Variants in NOX4 observed in about 807,000 individuals in gnomAD.
The protein encoded by NOX4 is NADPH oxidase 4.
In NOX4, 69 loss-of-function variants were observed where a neutral mutation model predicts 87.6. The ratio of observed to expected loss-of-function variants is 0.79; its 90% confidence interval spans 0.65 to 0.96. The LOEUF (loss-of-function observed/expected upper bound fraction) is 0.96, where lower values mean the gene tolerates loss of function less well. Among genes scored for constraint, NOX4 ranks in the 40% least tolerant of loss-of-function variants. The probability of loss-of-function intolerance (pLI) is 0.00; values close to 1 mark genes in which losing one functional copy is unlikely to be tolerated. For synonymous variants in NOX4, 275 were observed against 238.2 expected (o/e 1.15, Z -1.42); for missense variants, 680 against 681.5 (o/e 1.00, Z 0.02).
chr11:89,438,500 C>T lies in NOX4; in HGVS notation c.475+2188G>A, dbSNP rs565687988. On this transcript the variant is annotated intron_variant, in intron 6 of 17. Coordinates refer to ENST00000263317, the MANE Select transcript of NOX4 (RefSeq NM_016931.5). ...ACTATATATACTATATAATATACAGCATATATATTATATACTATATATACT... is the reference window on the plus strand; with the variant it reads ...ACTATATATACTATATAATATACAGTATATATATTATATACTATATATACT... Among the ~76,000 whole-genome samples, 534 of 74,940 alleles carry T rather than the reference C, an allele frequency of 7.1e-3. 29 individuals are homozygous for T. The highest frequency in any genetic ancestry group is 0.039 in the African/African-American group (497 of 12,672). 49.2% of individuals were successfully genotyped at this position (74,940 alleles called of 152,430 possible).
At chr11:89,335,299 G>A (rs1227813971) in intron 17 of NOX4, among the ~76,000 whole-genome samples, 3 of 151,718 alleles carry the variant, frequency 2.0e-5, no homozygotes, top group East Asian at 1.9e-4. Context: ...TCATAGACAC[G>A]TAGTCCATAA....
intron 6 of NOX4, among the ~76,000 whole-genome samples, chr11:89,438,337 TTATATACTA>T (rs573360850): frequency 0.011 from 1,316 of 121,108 alleles, 60 homozygotes; most frequent in Admixed American, 0.079. Context: ...GTATATATCA[TTATATACTA>T]TATATACTAT....
chr11:89,367,436 T>G (rs1383523983), intron 12 of NOX4, among the ~76,000 whole-genome samples: 1 of 152,156 alleles, frequency 6.6e-6, no homozygotes, highest in Non-Finnish European at 1.5e-5. Context: ...ATGCCCTCAG[T>G]AATTCGCAGC....
upstream of NOX4, chr11:89,491,583 G>T: frequency 3.1e-6 from 1 of 319,232 alleles, no homozygotes; most frequent in Non-Finnish European, 5.7e-6. Context: ...CTGTTGTTGT[G>T]GCTGCTGCTG....
chr11:89,493,659 G>C (rs1458433879), upstream of NOX4, among the ~76,000 whole-genome samples: 2 of 151,574 alleles, frequency 1.3e-5, no homozygotes, highest in African/African-American at 4.8e-5. Flanking sequence ...CTAGTGTCCT[G>C]TTACGCAGGA....
intron 13 of NOX4, among the ~76,000 whole-genome samples, chr11:89,345,748 C>T (rs528784586): frequency 6.6e-6 from 1 of 152,084 alleles, no homozygotes; most frequent in East Asian, 1.9e-4. Context: ...ATCCAACATC[C>T]CTTTATGGTA....
At chr11:89,360,744 C>G (rs1938457159) in intron 12 of NOX4, among the ~76,000 whole-genome samples, 1 of 151,800 alleles carries the variant, frequency 6.6e-6, no homozygotes, top group South Asian at 2.1e-4. Flanking sequence ...GGAATTAAAA[C>G]AAATCAACAA....
chr11:89,474,064 G>C (rs10765208), intron 2 of NOX4, among the ~76,000 whole-genome samples: 13 of 152,028 alleles, frequency 8.6e-5, no homozygotes, highest in Admixed American at 7.9e-4. Context: ...CCACACTAGT[G>C]CAGTTGTTGG....
the NOX4 span, among the ~76,000 whole-genome samples, chr11:89,510,112 A>T: frequency 6.6e-6 from 1 of 152,086 alleles, no homozygotes; most frequent in Non-Finnish European, 1.5e-5. Flanking sequence ...CTACTGTGCA[A>T]TGCACCTGTT....
chr11:89,438,318 TTATA>T (rs1432228601), intron 6 of NOX4, among the ~76,000 whole-genome samples: 5 of 126,416 alleles, frequency 4.0e-5, no homozygotes, highest in Non-Finnish European at 6.3e-5. Context: ...TTAAACTTGC[TTATA>T]TATAGTATAT....
chr11:89,342,261 A>G, intron 13 of NOX4, 68 bp from the exon 14 acceptor site: 1 of 1,420,572 alleles, frequency 7.0e-7, no homozygotes, highest in South Asian at 1.2e-5. Flanking sequence ...TGTACCATAT[A>G]GCAAACATGC....
In NOX4 at chr11:89,458,928, A is replaced by C. The variant is rs1945328543; in HGVS notation, c.154-7033T>G. ...TCAACGAAATTAAAACCAAACTTTC[A>C]TTTGATCCAGCAATCCCATGATTGA... is the stretch of plus-strand genomic sequence containing the variant. On this transcript the variant is annotated intron_variant, in intron 2 of 17. Coordinates refer to ENST00000263317, the MANE Select transcript of NOX4 (RefSeq NM_016931.5). Among the ~76,000 whole-genome samples, 3 of 152,224 alleles carry C rather than the reference A, an allele frequency of 2.0e-5. No homozygotes were observed. In the South Asian group the frequency reaches 6.2e-4, roughly 31 times the overall value.
chr11:89,541,332 A>C, the NOX4 span, among the ~76,000 whole-genome samples: 2 of 152,140 alleles, frequency 1.3e-5, no homozygotes, highest in Non-Finnish European at 2.9e-5. Context: ...CCCTAAGAAG[A>C]GTTTTTTTCC....
the NOX4 span, among the ~76,000 whole-genome samples, chr11:89,526,670 A>C: frequency 1.3e-5 from 2 of 151,960 alleles, no homozygotes; most frequent in African/African-American, 4.8e-5. Flanking sequence ...CTTCCCTGGC[A>C]CTTCTCTTTC....
chr11:89,444,524 TACACACACAC>T (rs35340897), intron 4 of NOX4, among the ~76,000 whole-genome samples: 3 of 144,866 alleles, frequency 2.1e-5, no homozygotes, highest in Non-Finnish European at 3.1e-5. Context: ...CTAACACACA[TACACACACAC>T]ACACACACAC....
intron 11 of NOX4, among the ~76,000 whole-genome samples, chr11:89,377,047 G>T (rs1173994662): frequency 1.3e-5 from 2 of 152,150 alleles, no homozygotes; most frequent in Admixed American, 1.3e-4. Context: ...GACACAGTGA[G>T]ATTCTGTCTC....
the NOX4 span, among the ~76,000 whole-genome samples, chr11:89,559,928 C>T: frequency 1.3e-5 from 2 of 152,082 alleles, no homozygotes; most frequent in African/African-American, 2.4e-5. Flanking sequence ...TGCTGATGCT[C>T]TCCATCTGCT....
chr11:89,484,484 A>G (rs1946508363), intron 2 of NOX4, among the ~76,000 whole-genome samples: 1 of 152,092 alleles, frequency 6.6e-6, no homozygotes, highest in South Asian at 2.1e-4. Flanking sequence ...CTAGTAGTCC[A>G]TACAGTGTGG....
chr11:89,557,449 T>C, the NOX4 span, among the ~76,000 whole-genome samples: 3 of 152,196 alleles, frequency 2.0e-5, no homozygotes, highest in African/African-American at 4.8e-5. Flanking sequence ...GGAAGACTTC[T>C]TGTTTTTAAT....
Sources: allele counts gnomAD v4.1 joint callset (sites outside exome capture counted in the v4.1 genomes callset), GRCh38; gene constraint gnomAD v4.1.1; transcripts MANE v1.5; gene names NCBI Gene and HGNC (gene_info 2026-07-23, HGNC 2026-07-21).